Variants in SPIDR observed in about 807,000 individuals in gnomAD.
SPIDR encodes the protein scaffold protein involved in DNA repair, also known as DNA repair-scaffolding protein.
SPIDR carries 93 observed loss-of-function variants against 104.6 expected under a neutral mutation model. The ratio of observed to expected loss-of-function variants is 0.89; its 90% CI spans 0.75 to 1.06. The LOEUF is 1.06. Among genes scored for constraint, SPIDR ranks in the 50% least tolerant of loss-of-function variants. SPIDR has a pLI of 0.00. For synonymous variants in SPIDR, 431 were observed against 416.9 expected, an observed-to-expected ratio of 1.03 and a Z score of -0.41; for missense variants, 1,154 against 1,111.2, an observed-to-expected ratio of 1.04 and a Z score of -0.55.
chr8:47,274,700 C>T (rs1586165474), intron 1 of SPIDR, among the ~76,000 whole-genome samples: 1 of 151,396 alleles, frequency 6.6e-6, no homozygotes, highest in African/African-American at 2.4e-5. Flanking sequence ...CCTCAGCCTC[C>T]TGAGTAGCTG....
At chr8:47,297,352 G>A (rs2041043409) in intron 5 of SPIDR, among the ~76,000 whole-genome samples, 1 of 152,060 alleles carries the variant, frequency 6.6e-6, no homozygotes, top group Non-Finnish European at 1.5e-5. Flanking sequence ...TGTTACATAT[G>A]GCCTTTATTG....
intron 1 of SPIDR, among the ~76,000 whole-genome samples, chr8:47,272,739 C>T (rs1360865204): frequency 1.3e-5 from 2 of 151,902 alleles, no homozygotes; most frequent in African/African-American, 2.4e-5. Flanking sequence ...TCTTATCTCA[C>T]GATTAGGAGA....
chr8:47,679,585 C>T (rs2076859010), intron 11 of SPIDR, among the ~76,000 whole-genome samples: 1 of 151,686 alleles, frequency 6.6e-6, no homozygotes, highest in African/African-American at 2.4e-5. Context: ...TGCCCGCCTG[C>T]CTCCATCCCC....
At chr8:47,505,431 A>G (rs1333230988) in intron 8 of SPIDR, among the ~76,000 whole-genome samples, 3 of 152,134 alleles carry the variant, frequency 2.0e-5, no homozygotes, top group Non-Finnish European at 4.4e-5. Context: ...AGGACCCTCC[A>G]AGCCATGTGC....
chr8:47,501,575 C>G (rs1300562879), intron 8 of SPIDR, among the ~76,000 whole-genome samples: 7 of 152,170 alleles, frequency 4.6e-5, no homozygotes, highest in Non-Finnish European at 8.8e-5. Context: ...GAAATATAAT[C>G]ATGTCATCTG....
chr8:47,409,516 T>C (rs1352551147), intron 7 of SPIDR, among the ~76,000 whole-genome samples: 1 of 152,200 alleles, frequency 6.6e-6, no homozygotes, highest in Non-Finnish European at 1.5e-5. Context: ...CCAACTATTA[T>C]TAGTCTTTCC....
intron 8 of SPIDR, among the ~76,000 whole-genome samples, chr8:47,457,895 G>GTGGCTGTAA (rs2073262016): frequency 6.6e-6 from 1 of 152,094 alleles, no homozygotes; most frequent in Admixed American, 6.6e-5. Context: ...TCAAAGATCA[G>GTGGCTGTAA]TGGCTGTAAG....
chr8:47,511,409 A>C, intron 8 of SPIDR: 2 of 840,972 alleles, frequency 2.4e-6, no homozygotes, highest in Non-Finnish European at 2.1e-6. Context: ...GCTTATTTGG[A>C]CTTCATAAAG....
At chr8:47,273,563 A>G (rs2035766419) in intron 1 of SPIDR, among the ~76,000 whole-genome samples, 1 of 151,668 alleles carries the variant, frequency 6.6e-6, no homozygotes, top group Non-Finnish European at 1.5e-5. Context: ...AGCTCATCGA[A>G]TCTTGTTAAA....
chr8:47,568,773 C>T (rs1400934285), intron 8 of SPIDR, among the ~76,000 whole-genome samples: 4 of 152,180 alleles, frequency 2.6e-5, no homozygotes, highest in Admixed American at 2.6e-4. Flanking sequence ...ATATATGCCA[C>T]CATGAGCTCA....
At chr8:47,325,840 G>T (rs1400512627) in intron 5 of SPIDR, among the ~76,000 whole-genome samples, 1 of 152,164 alleles carries the variant, frequency 6.6e-6, no homozygotes, top group Non-Finnish European at 1.5e-5. Flanking sequence ...TGACTAGGTT[G>T]TTGAAATTTT....
chr8:47,567,418 C>G (rs1228855830), intron 8 of SPIDR, among the ~76,000 whole-genome samples: 1 of 151,810 alleles, frequency 6.6e-6, no homozygotes, highest in Non-Finnish European at 1.5e-5. Context: ...GGGGTTTCTC[C>G]ATGTTGGTCA....
chr8:47,412,327 A>G (rs193002011), intron 7 of SPIDR, among the ~76,000 whole-genome samples: 152 of 152,232 alleles, frequency 1.0e-3, no homozygotes, highest in Non-Finnish European at 1.9e-3. Flanking sequence ...AATTTAGGGA[A>G]GTCTTAATAG....
At chr8:47,457,662 T>C (rs1256002658) in intron 8 of SPIDR, among the ~76,000 whole-genome samples, 1 of 152,082 alleles carries the variant, frequency 6.6e-6, no homozygotes, top group Admixed American at 6.6e-5. Flanking sequence ...GAAAACTTTG[T>C]CTAAGCCCAT....
At position 47,639,638 on chromosome 8, in the gene SPIDR, A is replaced by G. The variant is rs999152867; in HGVS notation, c.1545-34163A>G. On this transcript the variant is annotated intron_variant, in intron 10 of 19. Coordinates refer to ENST00000297423, the MANE Select transcript of SPIDR (RefSeq NM_001080394.4). ...TCAGGCCCAGTGATGAATCTTTTCT[A>G]TCCAACTTAAACAGAAGGAGATTTA... Among the ~76,000 whole-genome samples, 65 of 152,190 alleles carry G rather than the reference A, an allele frequency of 4.3e-4. 2 individuals carry two copies. The highest frequency in any genetic ancestry group is 1.5e-4 in the Non-Finnish European group (10 of 68,036).
intron 8 of SPIDR, among the ~76,000 whole-genome samples, chr8:47,480,295 A>G (rs1310035599): frequency 6.6e-6 from 1 of 152,140 alleles, no homozygotes; most frequent in African/African-American, 2.4e-5. Flanking sequence ...TTAAAATGTT[A>G]CCCTACAGTG....
chr8:47,582,679 T>C (rs1383066205), intron 8 of SPIDR, among the ~76,000 whole-genome samples: 1 of 152,148 alleles, frequency 6.6e-6, no homozygotes, highest in Non-Finnish European at 1.5e-5. Flanking sequence ...TCATTTTTAT[T>C]GATCATACAA....
intron 10 of SPIDR, among the ~76,000 whole-genome samples, chr8:47,641,396 AT>A (rs1371362002): frequency 1.3e-5 from 2 of 152,038 alleles, no homozygotes; most frequent in Non-Finnish European, 2.9e-5. Context: ...ATTTTTGAAT[AT>A]TTTTTATTTC....
intron 8 of SPIDR, among the ~76,000 whole-genome samples, chr8:47,585,726 T>C (rs2060185305): frequency 1.3e-5 from 2 of 152,188 alleles, no homozygotes; most frequent in African/African-American, 2.4e-5. Flanking sequence ...AGTCTTGAGA[T>C]GGCACCACCA....
Sources: allele counts gnomAD v4.1 joint callset (sites outside exome capture counted in the v4.1 genomes callset), GRCh38; gene constraint gnomAD v4.1.1; transcripts MANE v1.5; gene names NCBI Gene and HGNC (gene_info 2026-07-23, HGNC 2026-07-21).